Variants in ANKS1B observed in about 807,000 individuals in gnomAD.
ANKS1B encodes ankyrin repeat and sterile alpha motif domain-containing protein 1B.
ANKS1B carries 36 observed loss-of-function variants against 148.3 expected under a neutral mutation model. The observed-to-expected ratio is 0.24, with a 90% CI of 0.19 to 0.32. The LOEUF (loss-of-function observed/expected upper bound fraction) is 0.32, where lower values mean the gene tolerates loss of function less well. Among genes scored for constraint, ANKS1B ranks in the 10% least tolerant of loss-of-function variants. The pLI is 1.00. For synonymous variants in ANKS1B, 542 were observed against 560.8 expected, an observed-to-expected ratio of 0.97 and a Z score of 0.47; for missense variants, 1,157 against 1,542.6, an observed-to-expected ratio of 0.75 and a Z score of 4.19.
At chr12:99,496,666 T>C (rs1296881828) in intron 10 of ANKS1B, among the ~76,000 whole-genome samples, 2 of 152,222 alleles carry the variant, frequency 1.3e-5, no homozygotes. Context: ...AAAATCTTGC[T>C]GAATACAGAT....
chr12:99,911,148 A>G (rs1000695556), intron 1 of ANKS1B, among the ~76,000 whole-genome samples: 12 of 152,220 alleles, frequency 7.9e-5, no homozygotes, highest in African/African-American at 2.7e-4. Context: ...AGTAGTTGGC[A>G]GAGCAATGAT....
intron 12 of ANKS1B, among the ~76,000 whole-genome samples, chr12:99,353,165 A>G (rs974645422): frequency 1.3e-5 from 2 of 152,044 alleles, no homozygotes; most frequent in African/African-American, 4.8e-5. Context: ...GCACCACAGT[A>G]TGATGTGGTC....
chr12:99,290,732 A>G (rs150963594), intron 12 of ANKS1B, among the ~76,000 whole-genome samples: 9 of 152,218 alleles, frequency 5.9e-5, no homozygotes, highest in African/African-American at 2.2e-4. Context: ...TTCCTTCATA[A>G]TAAAAACTCT....
chr12:99,839,562 T>C (rs2085373773), intron 1 of ANKS1B, among the ~76,000 whole-genome samples: 3 of 152,296 alleles, frequency 2.0e-5, no homozygotes, highest in South Asian at 4.1e-4. Context: ...ATATTTTCTT[T>C]ATAGAACTCT....
chr12:98,802,386 T>C (rs1340149606), intron 20 of ANKS1B, among the ~76,000 whole-genome samples: 1 of 152,170 alleles, frequency 6.6e-6, no homozygotes, highest in African/African-American at 2.4e-5. Flanking sequence ...GGAAGTTCTC[T>C]GCTTTATTAA....
rs140701123 is a variant in ANKS1B at position 99,713,556 on chromosome 12, A to T, written c.1129-58346T>A. On this transcript the variant is annotated intron_variant, in intron 8 of 26. Coordinates refer to ENST00000683438, the MANE Select transcript of ANKS1B (RefSeq NM_001352186.2). ...TCCACGCTCATGGCTTAGAAATTCT[A>T]TTTCCCACATGACTGCAGAACAAAA... Among the ~76,000 whole-genome samples the T allele has an allele frequency of 4.6e-3, 696 of 152,236 alleles. 11 individuals are homozygous for T. The highest frequency in any genetic ancestry group is 0.016 in the African/African-American group (664 of 41,534).
intron 9 of ANKS1B, among the ~76,000 whole-genome samples, chr12:99,570,312 G>A (rs148351553): frequency 4.5e-4 from 68 of 151,102 alleles, no homozygotes; most frequent in African/African-American, 1.5e-3. Context: ...TATTAATATT[G>A]TTGTTCTTGA....
In ANKS1B at chr12:99,210,987, G is replaced by A. The variant is rs139966400; in HGVS notation, c.2419+33355C>T. Among the ~76,000 whole-genome samples, 489 of 152,082 alleles carry A rather than the reference G, an allele frequency of 3.2e-3. 3 individuals carry two copies. The highest frequency in any genetic ancestry group is 5.4e-3 in the Non-Finnish European group (368 of 67,998). ...TCAGTCGGTGTATAACACTAATCAC[G>A]GTTTTTGCCATTAAAAGCAATGGCA... On this transcript the variant is annotated intron_variant, in intron 14 of 26. Transcript: ENST00000683438.
At chr12:99,578,493 C>G (rs2097539684) in intron 9 of ANKS1B, among the ~76,000 whole-genome samples, 1 of 152,112 alleles carries the variant, frequency 6.6e-6, no homozygotes, top group Admixed American at 6.6e-5. Context: ...GAATAAACAA[C>G]TTCAGCAAAG....
At chr12:98,763,203 C>T (rs1230107663) in intron 25 of ANKS1B, among the ~76,000 whole-genome samples, 1 of 152,140 alleles carries the variant, frequency 6.6e-6, no homozygotes, top group Non-Finnish European at 1.5e-5. Context: ...TAAGCCTGGT[C>T]TACAACTTGC....
rs566622124 is a variant in ANKS1B, at chr12:99,606,562, TATAAA to T, written c.1272+48500_1272+48504del. On this transcript the variant is annotated intron_variant, in intron 9 of 26. Transcript: ENST00000683438. Reference sequence around the variant, plus strand: ...AAATATATTTAGCTTCTCTATATCTTATAAAAAGAAGACGCCAAAGTACATAAACT... The same window carrying T: ...AAATATATTTAGCTTCTCTATATCTTAAGAAGACGCCAAAGTACATAAACT... Among the ~76,000 whole-genome samples the T allele has an allele frequency of 2.5e-3, 378 of 152,108 alleles. 1 individual carries two copies. Among genetic ancestry groups the T allele is most frequent in the Admixed American group, 6.4e-3 (98 of 15,274 alleles).
chr12:99,646,397 A>G (rs774137834), intron 9 of ANKS1B, among the ~76,000 whole-genome samples: 2 of 152,094 alleles, frequency 1.3e-5, no homozygotes, highest in Non-Finnish European at 2.9e-5. Context: ...GGTGGCTCAC[A>G]CCTGTAATCC....
At chr12:99,450,867 T>C (rs1268489856) in intron 10 of ANKS1B, among the ~76,000 whole-genome samples, 1 of 152,186 alleles carries the variant, frequency 6.6e-6, no homozygotes, top group Non-Finnish European at 1.5e-5. Flanking sequence ...TTATAATAAT[T>C]CCATGATCCT....
At chr12:99,510,046 A>G (rs1418965353) in intron 9 of ANKS1B, among the ~76,000 whole-genome samples, 1 of 151,992 alleles carries the variant, frequency 6.6e-6, no homozygotes, top group Non-Finnish European at 1.5e-5. Context: ...TGTTTACAGC[A>G]TAATTTACTG....
intron 17 of ANKS1B, among the ~76,000 whole-genome samples, chr12:98,913,931 A>C (rs2099790392): frequency 6.6e-6 from 1 of 152,148 alleles, no homozygotes; most frequent in Non-Finnish European, 1.5e-5. Flanking sequence ...TCTTCTTAGC[A>C]GTTTTCTTTA....
intron 9 of ANKS1B, chr12:99,649,259 C>T: frequency 1.3e-6 from 2 of 1,544,844 alleles, no homozygotes; most frequent in Non-Finnish European, 1.8e-6. Context: ...GCTGGTCTCA[C>T]TGTCTTTGCT....
intron 1 of ANKS1B, among the ~76,000 whole-genome samples, chr12:99,944,329 C>T (rs917835357): frequency 1.3e-5 from 2 of 152,150 alleles, no homozygotes; most frequent in African/African-American, 4.8e-5. Flanking sequence ...ATCTGGCTGA[C>T]TTCTCTTCCT....
rs560960541 is a variant in ANKS1B at position 99,832,323 on chromosome 12, C to T, written c.135-6934G>A. ...AGAGAAAGGGTCTGGAATGGTGGCT[C>T]ATGCCTATTATCTCAGCACTTTGGG... On this transcript the variant is annotated intron_variant, in intron 1 of 26. Coordinates refer to ENST00000683438, the MANE Select transcript of ANKS1B (RefSeq NM_001352186.2). Among the ~76,000 whole-genome samples the T allele has an allele frequency of 3.4e-4, 51 of 152,226 alleles. 1 individual carries two copies. The East Asian group carries it at 9.7e-3, about 29-fold the overall frequency.
At chr12:98,897,896 A>C (rs979941765) in intron 17 of ANKS1B, among the ~76,000 whole-genome samples, 2 of 152,198 alleles carry the variant, frequency 1.3e-5, no homozygotes, top group African/African-American at 4.8e-5. Flanking sequence ...AAAGAATGAA[A>C]TCATGTCTTT....
Sources: allele counts gnomAD v4.1 joint callset (sites outside exome capture counted in the v4.1 genomes callset), GRCh38; gene constraint gnomAD v4.1.1; transcripts MANE v1.5; gene names NCBI Gene and HGNC (gene_info 2026-07-23, HGNC 2026-07-21).